Variants in AKAP11 observed in about 807,000 individuals in gnomAD.
The protein encoded by AKAP11 is A-kinase anchor protein 11.
A neutral mutation model predicts 146.1 loss-of-function variants in AKAP11; 36 were observed. That is an observed-to-expected ratio of 0.25 (90% CI 0.19 to 0.33). The LOEUF (loss-of-function observed/expected upper bound fraction) is 0.33, where lower values mean the gene tolerates loss of function less well. Among genes scored for constraint, AKAP11 ranks in the 10% least tolerant of loss-of-function variants. AKAP11 has a pLI of 1.00. For synonymous variants in AKAP11, 780 were observed against 786.5 expected (o/e 0.99, Z 0.14); for missense variants, 2,201 against 2,197.0 (o/e 1.00, Z -0.04).
chr13:42,317,918 C>T (rs1960898777), intron 12 of AKAP11, among the ~76,000 whole-genome samples: 1 of 152,056 alleles, frequency 6.6e-6, no homozygotes, highest in African/African-American at 2.4e-5. Context: ...ATAGAATCTA[C>T]CTTACAGGGG....
rs146605838 is a variant in AKAP11 at position 42,300,998 on chromosome 13, T to G, written c.2252T>G (p.Ile751Ser). Reference protein sequence around the residue: ...TFSPSFHNQAIMVTKPVQEYK... With the variant: ...TFSPSFHNQASMVTKPVQEYK... Reference sequence around the variant, plus strand: ...TCCCCTTCTTTTCACAATCAAGCAATTATGGTGACAAAACCAGTGCAGGAA... The same window carrying G: ...TCCCCTTCTTTTCACAATCAAGCAAGTATGGTGACAAAACCAGTGCAGGAA... The change falls in exon 8 of 13, where the codon ATT (isoleucine) becomes AGT (serine). Residue 751 changes from isoleucine (I) to serine (S), a missense_variant. Ile to Ser is a moderately radical substitution (Grantham distance 142, BLOSUM62 -2). Coordinates refer to ENST00000025301, the MANE Select transcript of AKAP11 (RefSeq NM_016248.4). The G allele has an allele frequency of 6.2e-7, 1 of 1,614,086 alleles. No homozygotes were observed. The highest frequency in any genetic ancestry group is 8.5e-7 in the Non-Finnish European group (1 of 1,179,960).
At chr13:42,312,043 T>C (rs1193181348) in intron 9 of AKAP11, among the ~76,000 whole-genome samples, 1 of 152,200 alleles carries the variant, frequency 6.6e-6, no homozygotes, top group East Asian at 1.9e-4. Flanking sequence ...TTTACTGATG[T>C]ACATAAAATG....
At chr13:42,310,975 T>C (rs976633918) in intron 9 of AKAP11, among the ~76,000 whole-genome samples, 4 of 152,006 alleles carry the variant, frequency 2.6e-5, no homozygotes, top group Non-Finnish European at 4.4e-5. Context: ...TTCAAAAGTG[T>C]TTAGGAGGAT....
Position 42,308,513 on chromosome 13 carries a change from T to A in AKAP11, c.5177T>A (p.Leu1726His). The A allele has an allele frequency of 6.2e-7, 1 of 1,613,026 alleles. No individual in the cohort carries two copies. The highest frequency in any genetic ancestry group is 8.5e-7 in the Non-Finnish European group (1 of 1,179,210). Residue 1726 changes from leucine (L) to histidine (H), a missense_variant, in exon 9 of 13, where the codon CTC (leucine) becomes CAC (histidine). By Grantham distance (99) the Leu-to-His change is moderately conservative. Around this residue, in one of 3 missense-constraint regions of AKAP11, gnomAD observed 1,867 missense variants for 1,833.5 expected, o/e 1.02. Transcript: ENST00000025301. ...TESVSSQQMN[L>H]SIGDDSTGSW... is the part of the protein sequence containing the mutation. ...TCTGTCAGTAGCCAGCAGATGAACC[T>A]CAGTATTGGTGATGACAGCACTGGT... is the stretch of plus-strand genomic sequence containing the variant.
chr13:42,300,540 G>A lies in AKAP11; in HGVS notation c.1794G>A (p.Glu598=). The A allele has an allele frequency of 6.2e-7, 1 of 1,614,024 alleles. No individual in the cohort carries two copies. ...CTGTTTTGCAGATGGCATTTGATGA[G>A]CTGAGAAGGCAGCGTGCATTTTCAC... ...TSSVLQMAFD[E]LRRQRAFSLK... Residue 598 remains glutamate (E), a synonymous_variant, in exon 8 of 13, where the codon GAG becomes GAA. Coordinates refer to ENST00000025301, the MANE Select transcript of AKAP11 (RefSeq NM_016248.4).
intron 12 of AKAP11, among the ~76,000 whole-genome samples, chr13:42,318,593 GAAACA>G (rs1460333310): frequency 3.3e-5 from 5 of 152,124 alleles, no homozygotes; most frequent in African/African-American, 1.2e-4. Context: ...TTTTGTTGTT[GAAACA>G]TTAACATTCT....
Position 42,313,118 on chromosome 13 carries a change from C to T in AKAP11, c.5345C>T (p.Pro1782Leu), listed in dbSNP as rs773368463. The T allele has an allele frequency of 6.2e-7, 1 of 1,612,248 alleles. No individual in the cohort carries two copies. The highest frequency in any genetic ancestry group is 1.7e-5 in the Admixed American group (1 of 59,542). ...GDLYEDNLSF[P>L]TSDSDGPDDK... is the part of the protein sequence containing the mutation. ...TTGTATGAGGACAATTTATCCTTTC[C>T]AACATCAGACAGGTTGGTCCAGTCT... Residue 1782 changes from proline to leucine, a missense_variant, in exon 10 of 13, where the codon CCA (proline) becomes CTA (leucine). Coordinates refer to ENST00000025301, the MANE Select transcript of AKAP11 (RefSeq NM_016248.4).
chr13:42,318,255 C>G (rs1360593154), intron 12 of AKAP11, among the ~76,000 whole-genome samples: 1 of 152,174 alleles, frequency 6.6e-6, no homozygotes, highest in Admixed American at 6.5e-5. Context: ...TTTTCTTTAT[C>G]AGAACTTTCC....
chr13:42,279,550 CT>C (rs1431798543), intron 1 of AKAP11, among the ~76,000 whole-genome samples: 1 of 152,034 alleles, frequency 6.6e-6, no homozygotes, highest in East Asian at 1.9e-4. Flanking sequence ...ATTTTGGTGT[CT>C]TTTGTATCTT....
At chr13:42,293,640 C>T (rs958998025) in intron 4 of AKAP11, among the ~76,000 whole-genome samples, 13 of 152,152 alleles carry the variant, frequency 8.5e-5, no homozygotes, top group Non-Finnish European at 1.6e-4. Context: ...AAATGATGTC[C>T]TGTGTCCTGT....
intron 11 of AKAP11, among the ~76,000 whole-genome samples, chr13:42,317,205 C>T (rs1173062071): frequency 6.6e-6 from 1 of 152,046 alleles, no homozygotes; most frequent in East Asian, 1.9e-4. Flanking sequence ...GTAATGATAG[C>T]TTTATAGTTT....
At chr13:42,293,905 T>G (rs1292792070) in intron 4 of AKAP11, among the ~76,000 whole-genome samples, 3 of 152,222 alleles carry the variant, frequency 2.0e-5, no homozygotes, top group Non-Finnish European at 4.4e-5. Context: ...TGCCTATCTG[T>G]TATTGAGTGC....
rs1386163878 is a variant in AKAP11, at chr13:42,301,806, A to G, written c.3060A>G (p.Leu1020=). ...TTTCTATGGTTCATGGATCCTCCCT[A>G]GAGACACTGCCATCTTGTCCAGCTG... is the stretch of plus-strand genomic sequence containing the variant. The part of the protein sequence containing the change: ...CKVSMVHGSS[L]ETLPSCPAVT... Residue 1020 remains leucine, a synonymous_variant, in exon 8 of 13, where the codon CTA becomes CTG. Coordinates refer to ENST00000025301, the MANE Select transcript of AKAP11 (RefSeq NM_016248.4). The G allele has an allele frequency of 1.9e-6, 3 of 1,614,132 alleles. No homozygotes were observed. The highest frequency in any genetic ancestry group is 1.3e-5 in the African/African-American group (1 of 75,050).
intron 7 of AKAP11, 44 bp from the exon 8 acceptor site, chr13:42,299,319 G>C (rs1959705646): frequency 6.6e-7 from 1 of 1,525,480 alleles, no homozygotes; most frequent in Admixed American, 2.2e-5. Flanking sequence ...TTTCCAAAAA[G>C]TTTTGTTCAA....
At position 42,303,259 on chromosome 13, in the gene AKAP11, C is replaced by T; in HGVS notation, c.4513C>T (p.Pro1505Ser). Residue 1505 changes from proline to serine, a missense_variant, in exon 8 of 13, where the codon CCA becomes TCA. Around this residue, in one of 3 missense-constraint regions of AKAP11, gnomAD observed 1,867 missense variants for 1,833.5 expected, o/e 1.02. Coordinates refer to ENST00000025301, the MANE Select transcript of AKAP11 (RefSeq NM_016248.4). ...YEEDNECHVT[P>S]ELPKSLQPSS... ...AGAAGATAATGAGTGTCACGTTACA[C>T]CAGAATTGCCTAAGTCTCTTCAGCC... is the stretch of plus-strand genomic sequence containing the variant. 1.9e-6 allele frequency: 3 copies of T among 1,613,646 alleles called. No homozygotes were observed. The highest frequency in any genetic ancestry group is 2.5e-6 in the Non-Finnish European group (3 of 1,180,006).
intron 4 of AKAP11, among the ~76,000 whole-genome samples, chr13:42,295,268 C>T (rs1197993725): frequency 6.6e-6 from 1 of 152,088 alleles, no homozygotes; most frequent in African/African-American, 2.4e-5. Context: ...AGAAAGGGGG[C>T]TCGTGTGTAA....
In AKAP11 at chr13:42,322,852, G is replaced by A. The variant is rs1396087465; in HGVS notation, c.*3624G>A. The A allele has an allele frequency of 6.6e-6, 1 of 152,346 alleles. No homozygotes were observed. Among genetic ancestry groups the A allele is most frequent in the African/African-American group, 2.4e-5 (1 of 41,336 alleles). 9.4% of individuals were successfully genotyped at this position (152,346 alleles called of 1,614,324 possible). On this transcript the variant is annotated 3_prime_UTR_variant, in exon 13 of 13. Transcript: ENST00000025301. ...TTCTAGAAGTTCTTATTTTGTTTTT[G>A]TTGTAATGTTTGAATACTATTTAAT... is the stretch of plus-strand genomic sequence containing the variant.
At position 42,303,508 on chromosome 13, in the gene AKAP11, A is replaced by G. The variant is rs1007816137; in HGVS notation, c.4762A>G (p.Arg1588Gly). 3.7e-6 allele frequency: 6 copies of G among 1,614,248 alleles called. No homozygotes were observed. The highest frequency in any genetic ancestry group is 4.2e-6 in the Non-Finnish European group (5 of 1,180,036). Residue 1588 changes from arginine (R) to glycine (G), a missense_variant, in exon 8 of 13, where the codon AGA (arginine) becomes GGA (glycine). Arg to Gly is a moderately radical substitution (Grantham distance 125). Transcript: ENST00000025301. ...GTCACCTCTTACAGGTCAAGCTTGCAGATACTGTGACCTTAAAGAACTCCA... is the reference window on the plus strand; with the variant it reads ...GTCACCTCTTACAGGTCAAGCTTGCGGATACTGTGACCTTAAAGAACTCCA... ...KLSPLTGQAC[R>G]YCDLKELHNC...
At position 42,303,811 on chromosome 13, in the gene AKAP11, G is replaced by C. The variant is rs770860623; in HGVS notation, c.5065G>C (p.Ala1689Pro). The change falls in exon 8 of 13, where the codon GCC becomes CCC. Residue 1689 changes from alanine to proline, a missense_variant. Transcript: ENST00000025301. ...QEGASFAESLATETMTAAVTN... is the reference protein window; with the variant it reads ...QEGASFAESLPTETMTAAVTN... ...GGGTGCCAGCTTTGCTGAAAGCCTT[G>C]CCACAGAAACCATGACAGCAGCTGT... 6.2e-7 allele frequency: 1 copy of C among 1,607,248 alleles called. No individual in the cohort carries two copies. The highest frequency in any genetic ancestry group is 8.5e-7 in the Non-Finnish European group (1 of 1,176,134).
Sources: gnomAD v4.1 joint callset for allele counts (sites outside exome capture counted in the v4.1 genomes callset) on GRCh38, gnomAD v4.1.1 for gene constraint, gnomAD v4.1.1 regional missense constraint, MANE v1.5 for transcripts, NCBI Gene and HGNC (gene_info 2026-07-23, HGNC 2026-07-21) for gene names.